DAB1: variants seen among roughly 807,000 people sequenced by gnomAD.
The protein encoded by DAB1 is DAB adaptor protein 1.
In DAB1, 15 loss-of-function variants were observed where a neutral mutation model predicts 64.6. That is an observed-to-expected ratio of 0.23 (90% confidence interval 0.16 to 0.36). The LOEUF is 0.36. Among genes scored for constraint, DAB1 ranks in the 10% least tolerant of loss-of-function variants. DAB1 has a pLI of 1.00. For synonymous variants in DAB1, 235 were observed against 251.9 expected, an observed-to-expected ratio of 0.93 and a Z score of 0.64; for missense variants, 596 against 706.7, an observed-to-expected ratio of 0.84 and a Z score of 1.78.
chr1:57,812,334 AAAAAGAAAGAAAGAAAG>A (rs1297164406), intron 6 of DAB1, among the ~76,000 whole-genome samples: 1 of 150,382 alleles, frequency 6.6e-6, no homozygotes, highest in Non-Finnish European at 1.5e-5. Flanking sequence ...AAAAAAAAAA[AAAAAGAAAGAAAGAAAG>A]AAAAGAAAGA....
At chr1:57,339,125 T>TA (rs1273409409) in intron 1 of DAB1, among the ~76,000 whole-genome samples, 1 of 150,300 alleles carries the variant, frequency 6.7e-6, no homozygotes, top group Non-Finnish European at 1.5e-5. Flanking sequence ...AGGAAAAAAA[T>TA]ACGGCTTCTT....
At chr1:57,098,497 G>A (rs557257340) in intron 4 of DAB1, among the ~76,000 whole-genome samples, 1 of 152,272 alleles carries the variant, frequency 6.6e-6, no homozygotes, top group East Asian at 1.9e-4. Context: ...AGGGCAGAAG[G>A]AGTGAATTGC....
At chr1:58,503,670 T>G (rs1023376872) in intron 3 of DAB1, among the ~76,000 whole-genome samples, 1 of 151,992 alleles carries the variant, frequency 6.6e-6, no homozygotes, top group Non-Finnish European at 1.5e-5. Context: ...CCTTCTACCA[T>G]GTGAGGTTAC....
chr1:58,486,635 A>C, intron 3 of DAB1, among the ~76,000 whole-genome samples: 1 of 152,228 alleles, frequency 6.6e-6, no homozygotes, highest in East Asian at 1.9e-4. Context: ...AAAAGCCAAT[A>C]AACAAATAAG....
At position 57,056,504 on chromosome 1, in the gene DAB1, C is replaced by CAA. The variant is rs71051216; in HGVS notation, c.723+6378_723+6379dup. Among the ~76,000 whole-genome samples, 454 of 86,886 alleles carry CAA rather than the reference C, an allele frequency of 5.2e-3. 7 individuals carry two copies. The highest frequency in any genetic ancestry group is 0.017 in the African/African-American group (379 of 22,184). The allele number at this position is 86,886 out of a possible 152,430, so 57.0% of individuals were successfully genotyped here. On this transcript the variant is annotated intron_variant, in intron 9 of 14. Coordinates refer to ENST00000371236, the MANE Select transcript of DAB1 (RefSeq NM_001365792.1). ...TTGGTGACAGAGTAAGAGCCTGTCTCAAAAAAAAAAAAAAAAGAAAAAAAA... is the reference window on the plus strand; with the variant it reads ...TTGGTGACAGAGTAAGAGCCTGTCTCAAAAAAAAAAAAAAAAAAGAAAAAAAA...
chr1:57,839,017 G>A (rs1163399772), intron 1 of DAB1, among the ~76,000 whole-genome samples: 1 of 152,056 alleles, frequency 6.6e-6, no homozygotes, highest in Non-Finnish European at 1.5e-5. Flanking sequence ...CTAGCTTCAT[G>A]TGATCCTCCC....
chr1:57,824,626 T>C (rs891677446), downstream of DAB1, among the ~76,000 whole-genome samples: 5 of 152,180 alleles, frequency 3.3e-5, no homozygotes, highest in African/African-American at 1.2e-4. Context: ...ACATTTTCAG[T>C]AGCAATTTTG....
intron 7 of DAB1, among the ~76,000 whole-genome samples, chr1:57,593,880 A>C (rs1223246879): frequency 6.6e-6 from 1 of 152,236 alleles, no homozygotes; most frequent in Non-Finnish European, 1.5e-5. Flanking sequence ...ATATTCCCAA[A>C]AGTTCTAGCA....
chr1:57,280,512 C>T (rs1482600171), intron 2 of DAB1, among the ~76,000 whole-genome samples: 3 of 152,188 alleles, frequency 2.0e-5, no homozygotes, highest in East Asian at 1.9e-4. Flanking sequence ...AGAGCATATA[C>T]GTAACCAGAC....
chr1:57,588,486 T>C (rs1645405970), intron 7 of DAB1, among the ~76,000 whole-genome samples: 1 of 152,188 alleles, frequency 6.6e-6, no homozygotes. Flanking sequence ...TACCAGAGAA[T>C]TAAAATCCTG....
At chr1:58,226,073 T>C (rs1204796177) in intron 4 of DAB1, among the ~76,000 whole-genome samples, 1 of 152,182 alleles carries the variant, frequency 6.6e-6, no homozygotes, top group East Asian at 1.9e-4. Context: ...CTTAATTGTG[T>C]TGAGCCTGAA....
intron 4 of DAB1, among the ~76,000 whole-genome samples, chr1:57,077,224 G>C (rs975357508): frequency 1.5e-4 from 23 of 152,192 alleles, no homozygotes; most frequent in African/African-American, 5.5e-4. Context: ...GCTAGGTTCT[G>C]AGAACAGGAC....
At chr1:58,077,258 G>T (rs1188181242) in intron 5 of DAB1, among the ~76,000 whole-genome samples, 1 of 152,174 alleles carries the variant, frequency 6.6e-6, no homozygotes, top group Non-Finnish European at 1.5e-5. Context: ...TAAGTGATTT[G>T]TCCAAGGTCA....
At chr1:57,350,322 A>T (rs1453217183) in intron 1 of DAB1, among the ~76,000 whole-genome samples, 1 of 152,172 alleles carries the variant, frequency 6.6e-6, no homozygotes, top group Non-Finnish European at 1.5e-5. Context: ...CTAGGATTTG[A>T]ACACATACCT....
intron 5 of DAB1, among the ~76,000 whole-genome samples, chr1:58,107,290 T>G (rs1223961270): frequency 1.5e-5 from 2 of 137,162 alleles, no homozygotes; most frequent in African/African-American, 5.5e-5. Context: ...GAAACCCCCC[T>G]CTACTAAAAA....
intron 9 of DAB1, among the ~76,000 whole-genome samples, chr1:57,061,761 C>T (rs1460156231): frequency 2.0e-5 from 3 of 152,138 alleles, no homozygotes; most frequent in Admixed American, 1.3e-4. Flanking sequence ...GTTTCACATC[C>T]CCTTGTTAAT....
At chr1:58,360,978 C>A (rs1427958418) in intron 3 of DAB1, among the ~76,000 whole-genome samples, 1 of 152,168 alleles carries the variant, frequency 6.6e-6, no homozygotes, top group African/African-American at 2.4e-5. Context: ...TTCCCCATGT[C>A]ATGAAATTCC....
chr1:57,603,002 C>A (rs1029597282), intron 7 of DAB1, among the ~76,000 whole-genome samples: 1 of 152,152 alleles, frequency 6.6e-6, no homozygotes, highest in Non-Finnish European at 1.5e-5. Context: ...GGGTGAACAT[C>A]TTCTGAATAG....
chr1:57,845,588 G>C (rs190137680), intron 1 of DAB1, among the ~76,000 whole-genome samples: 2 of 152,274 alleles, frequency 1.3e-5, no homozygotes, highest in Admixed American at 1.3e-4. Flanking sequence ...TTTGATATCT[G>C]TATAATGGGG....
Sources: allele counts gnomAD v4.1 joint callset (sites outside exome capture counted in the v4.1 genomes callset), GRCh38; gene constraint gnomAD v4.1.1; transcripts MANE v1.5; gene names NCBI Gene and HGNC (gene_info 2026-07-23, HGNC 2026-07-21).